The following IGF1R variants were observed in gnomAD, a reference collection of about 807,000 sequenced individuals.
IGF1R encodes the protein insulin like growth factor 1 receptor, also known as insulin-like growth factor 1 receptor.
In IGF1R, 44 loss-of-function variants were observed where a neutral mutation model predicts 144.6. The ratio of observed to expected loss-of-function variants is 0.30; its 90% CI spans 0.24 to 0.39. The LOEUF (loss-of-function observed/expected upper bound fraction) is 0.39. IGF1R is among the 10% of genes least tolerant of loss of function. IGF1R has a pLI of 1.00. For missense variants in IGF1R, 1,355 were observed against 1,833.7 expected (o/e 0.74, Z 4.77); for synonymous variants, 795 against 722.8 (o/e 1.10, Z -1.60).
chr15:98,732,930 G>A (rs1174548587), intron 2 of IGF1R, among the ~76,000 whole-genome samples: 2 of 152,138 alleles, frequency 1.3e-5, no homozygotes, highest in Non-Finnish European at 2.9e-5. Context: ...TTTGGGAGGG[G>A]TCAGTGGGAC....
At chr15:98,919,005 G>A (rs185418909) in intron 10 of IGF1R, among the ~76,000 whole-genome samples, 128 of 152,326 alleles carry the variant, frequency 8.4e-4, no homozygotes, top group South Asian at 4.3e-3. Context: ...GAACCTTGAG[G>A]TTCAGTGCCC....
intron 2 of IGF1R, among the ~76,000 whole-genome samples, chr15:98,849,337 C>G (rs2011458445): frequency 6.6e-6 from 1 of 152,096 alleles, no homozygotes; most frequent in Non-Finnish European, 1.5e-5. Flanking sequence ...AATTATGGCC[C>G]AATCATGCCA....
chr15:98,854,827 G>C (rs1472850725), intron 2 of IGF1R, among the ~76,000 whole-genome samples: 2 of 152,096 alleles, frequency 1.3e-5, no homozygotes, highest in Non-Finnish European at 2.9e-5. Flanking sequence ...CCAGTGTTCT[G>C]GTTCCCCCTT....
chr15:98,957,049 T>A lies in IGF1R; in HGVS notation c.3723-12T>A. The A allele has an allele frequency of 6.2e-7, 1 of 1,614,064 alleles. No individual in the cohort carries two copies. The highest frequency in any genetic ancestry group is 8.5e-7 in the Non-Finnish European group (1 of 1,180,022). ...CCCGGTTTGGACCCCCTCCCGTGTGTCTTGGCTGCAGGTTTGAACTGATGC... is the reference window on the plus strand; with the variant it reads ...CCCGGTTTGGACCCCCTCCCGTGTGACTTGGCTGCAGGTTTGAACTGATGC... On this transcript the variant is annotated splice_polypyrimidine_tract_variant and intron_variant, in intron 20 of 20. Transcript: ENST00000650285.
At chr15:98,845,404 C>CCCTCCTCCTCCCCCT (rs2011274257) in intron 2 of IGF1R, among the ~76,000 whole-genome samples, 1 of 117,310 alleles carries the variant, frequency 8.5e-6, no homozygotes, top group Non-Finnish European at 1.8e-5. Context: ...CTCCTCGCCT[C>CCCTCCTCCTCCCCCT]CCTCCTCCTC....
At chr15:98,753,115 G>C (rs563701187) in intron 2 of IGF1R, among the ~76,000 whole-genome samples, 7 of 151,832 alleles carry the variant, frequency 4.6e-5, no homozygotes, top group Non-Finnish European at 8.8e-5. Flanking sequence ...TGTGTATTTA[G>C]TAGAGACAGG....
At chr15:98,899,707 TC>T (rs1390026986) in intron 5 of IGF1R, 86 bp downstream of exon 5, 2 of 1,354,302 alleles carry the variant, frequency 1.5e-6, no homozygotes, top group African/African-American at 2.9e-5. Context: ...GTAAGAGCCC[TC>T]CCTGCCTTGT....
In IGF1R at chr15:98,958,069, G is replaced by A. The variant is rs1219463039; in HGVS notation, c.*627G>A. On this transcript the variant is annotated 3_prime_UTR_variant, in exon 21 of 21. Transcript: ENST00000650285. Reference sequence around the variant, plus strand: ...CTTTCTCCCTCATCGGCCCGGCGCTGATTCCTCGTGTCCGGAGGCATGGGT... The same window carrying A: ...CTTTCTCCCTCATCGGCCCGGCGCTAATTCCTCGTGTCCGGAGGCATGGGT... 3.0e-5 allele frequency: 7 copies of A among 234,082 alleles called. No homozygotes were observed. The highest frequency in any genetic ancestry group is 8.8e-5 in the African/African-American group (4 of 45,330). 14.5% of individuals were successfully genotyped at this position (234,082 alleles called of 1,614,324 possible). A position where few individuals can be genotyped will look rare whatever the true frequency, so the allele number is the denominator to read the frequency against.
In IGF1R at chr15:98,923,932, A is replaced by G. The variant is rs777782407; in HGVS notation, c.2542A>G (p.Ile848Val). The G allele has an allele frequency of 1.2e-6, 2 of 1,613,154 alleles. No individual in the cohort carries two copies. The highest frequency in any genetic ancestry group is 2.7e-5 in the African/African-American group (2 of 74,910). ...VTWEPRPENSIFLKWPEPENP... is the reference protein window; with the variant it reads ...VTWEPRPENSVFLKWPEPENP... ...CTGGGAGCCAAGGCCTGAAAACTCCATCTTTTTAAAGTGGCCGGAACCTGA... is the reference window on the plus strand; with the variant it reads ...CTGGGAGCCAAGGCCTGAAAACTCCGTCTTTTTAAAGTGGCCGGAACCTGA... The change falls in exon 12 of 21, where the codon ATC becomes GTC. Residue 848 changes from isoleucine (I) to valine (V), a missense_variant. Physicochemically the swap from Ile to Val is conservative, Grantham distance 29. Transcript: ENST00000650285.
intron 2 of IGF1R, among the ~76,000 whole-genome samples, chr15:98,725,489 C>T (rs1295816523): frequency 2.6e-5 from 4 of 152,186 alleles, no homozygotes; most frequent in Non-Finnish European, 4.4e-5. Flanking sequence ...TCCCACAGTG[C>T]TTCTCCAACT....
intron 2 of IGF1R, among the ~76,000 whole-genome samples, chr15:98,857,181 C>T (rs924774152): frequency 1.1e-4 from 17 of 152,242 alleles, no homozygotes; most frequent in Non-Finnish European, 2.4e-4. Flanking sequence ...AAAGTGACCC[C>T]ACAATTAAAC....
intron 2 of IGF1R, among the ~76,000 whole-genome samples, chr15:98,777,860 C>T (rs986287529): frequency 6.6e-6 from 1 of 152,124 alleles, no homozygotes; most frequent in Non-Finnish European, 1.5e-5. Flanking sequence ...TGTAAGGGTC[C>T]CAAATGTAGA....
At chr15:98,667,395 A>T (rs1390734448) in intron 1 of IGF1R, among the ~76,000 whole-genome samples, 1 of 152,126 alleles carries the variant, frequency 6.6e-6, no homozygotes, top group Non-Finnish European at 1.5e-5. Context: ...GGAGCCCTTG[A>T]AAGAAAGGGA....
chr15:98,877,229 C>T (rs1012462979), intron 2 of IGF1R, among the ~76,000 whole-genome samples: 7 of 152,042 alleles, frequency 4.6e-5, no homozygotes, highest in Non-Finnish European at 7.4e-5. Context: ...CCATCTAAAA[C>T]AAAAGTGTTA....
chr15:98,728,508 C>T (rs1448447551), intron 2 of IGF1R, among the ~76,000 whole-genome samples: 1 of 152,238 alleles, frequency 6.6e-6, no homozygotes, highest in Non-Finnish European at 1.5e-5. Flanking sequence ...TTCAGGGTCC[C>T]ACTCAGTTGT....
intron 2 of IGF1R, among the ~76,000 whole-genome samples, chr15:98,725,912 T>C (rs1170970212): frequency 6.6e-6 from 1 of 152,194 alleles, no homozygotes; most frequent in Non-Finnish European, 1.5e-5. Flanking sequence ...ATCATGAGAA[T>C]AGCACGGGAA....
chr15:98,939,229 T>G lies in IGF1R; in HGVS notation c.3326T>G (p.Leu1109Arg). Residue 1109 changes from leucine to arginine, a missense_variant, in exon 18 of 21, where the codon CTG becomes CGG. Around this residue, in one of 7 missense-constraint regions of IGF1R, gnomAD observed 45 missense variants for 43.5 expected, o/e 1.03. Transcript: ENST00000650285. ...AATCCAGTCCTAGCACCTCCAAGCC[T>G]GAGCAAGATGATTCAGATGGCCGGA... ...ENNPVLAPPS[L>R]SKMIQMAGEI... 1 of 1,614,088 alleles carries G rather than the reference T, an allele frequency of 6.2e-7. No individual in the cohort carries two copies. The highest frequency in any genetic ancestry group is 8.5e-7 in the Non-Finnish European group (1 of 1,179,934).
At chr15:98,686,105 G>A (rs545818278) in intron 1 of IGF1R, among the ~76,000 whole-genome samples, 33 of 152,300 alleles carry the variant, frequency 2.2e-4, no homozygotes, top group African/African-American at 7.0e-4. Context: ...TTGACTGTCT[G>A]GATACCTCAT....
At chr15:98,811,529 C>CA (rs34508591) in intron 2 of IGF1R, among the ~76,000 whole-genome samples, 73,299 of 134,052 alleles carry the variant, frequency 0.55, 19,547 homozygotes, top group East Asian at 0.63. Context: ...AACTCCATCT[C>CA]AAAAAAAAAA....
Sources: gnomAD v4.1 joint callset for allele counts (sites outside exome capture counted in the v4.1 genomes callset) on GRCh38, gnomAD v4.1.1 for gene constraint, gnomAD v4.1.1 regional missense constraint, MANE v1.5 for transcripts, NCBI Gene and HGNC (gene_info 2026-07-23, HGNC 2026-07-21) for gene names.